Variants in SLC12A6 observed in about 807,000 individuals in gnomAD.
SLC12A6 encodes the protein K-Cl cotransporter 3.
Under a neutral mutation model 135.3 loss-of-function variants are expected in SLC12A6, and 66 were observed. The observed-to-expected ratio is 0.49, with a 90% CI of 0.40 to 0.60. The LOEUF (loss-of-function observed/expected upper bound fraction) is 0.60, where lower values mean the gene tolerates loss of function less well. Among genes scored for constraint, SLC12A6 ranks in the 20% least tolerant of loss-of-function variants. SLC12A6 has a pLI of 0.00. For missense variants in SLC12A6, 1,058 were observed against 1,452.3 expected, an observed-to-expected ratio of 0.73 and a Z score of 4.41; for synonymous variants, 513 against 508.8, an observed-to-expected ratio of 1.01 and a Z score of -0.11.
intron 16 of SLC12A6, among the ~76,000 whole-genome samples, chr15:34,242,785 CT>C (rs1174560257): frequency 2.0e-5 from 3 of 152,074 alleles, no homozygotes; most frequent in African/African-American, 7.2e-5. Flanking sequence ...AATCCCAGCA[CT>C]TTGGGAGGCT....
chr15:34,329,123 A>G (rs905133720), intron 2 of SLC12A6, among the ~76,000 whole-genome samples: 1 of 152,248 alleles, frequency 6.6e-6, no homozygotes, highest in African/African-American at 2.4e-5. Flanking sequence ...ATGTAACTTC[A>G]TTATTCTGAA....
chr15:34,323,934 T>C (rs1009368672), intron 2 of SLC12A6, among the ~76,000 whole-genome samples: 1 of 104,302 alleles, frequency 9.6e-6, no homozygotes, highest in African/African-American at 4.1e-5. Flanking sequence ...GAGTGAGATC[T>C]TGTCTCAAAA....
chr15:34,242,838 G>A (rs1301123689), intron 16 of SLC12A6, among the ~76,000 whole-genome samples: 1 of 152,006 alleles, frequency 6.6e-6, no homozygotes, highest in Non-Finnish European at 1.5e-5. Flanking sequence ...AGACCATCCT[G>A]GCTAACACGG....
At chr15:34,262,903 T>C (rs1030201507) in intron 3 of SLC12A6, among the ~76,000 whole-genome samples, 1 of 152,192 alleles carries the variant, frequency 6.6e-6, no homozygotes, top group Non-Finnish European at 1.5e-5. Flanking sequence ...CCCAGCAGGA[T>C]GAATAGACAG....
At chr15:34,254,203 G>A in intron 9 of SLC12A6, 145 bp downstream of exon 9, 1 of 831,866 alleles carries the variant, frequency 1.2e-6, no homozygotes. Context: ...TTCCTGCCTA[G>A]ATGAGGAAGG....
chr15:34,250,909 G>A lies in SLC12A6; in HGVS notation c.1482C>T (p.Pro494=). ...SFTLLVGIFF[P]SVTGIMAGSN... is the part of the protein sequence containing the mutation. ...AGCCTATGTGTTTACCTGTAACAGAGGGAAAGAAGATTCCCACCAGAAGCG... is the reference window on the plus strand; with the variant it reads ...AGCCTATGTGTTTACCTGTAACAGAAGGAAAGAAGATTCCCACCAGAAGCG... Residue 494 remains proline (P), a synonymous_variant, in exon 11 of 26, where the codon CCC becomes CCT. Transcript: ENST00000354181. 1.2e-6 allele frequency: 2 copies of A among 1,611,898 alleles called. No homozygotes were observed. Among genetic ancestry groups the A allele is most frequent in the South Asian group, 1.1e-5 (1 of 91,020 alleles).
At chr15:34,254,918 A>T (rs1472601544) in intron 8 of SLC12A6, among the ~76,000 whole-genome samples, 1 of 152,242 alleles carries the variant, frequency 6.6e-6, no homozygotes, top group Non-Finnish European at 1.5e-5. Context: ...TCACTACTTT[A>T]AATAGTAAAC....
intron 11 of SLC12A6, 22 bp from the exon 12 acceptor site, chr15:34,250,751 A>T: frequency 6.8e-7 from 1 of 1,465,284 alleles, no homozygotes; most frequent in South Asian, 1.1e-5. Context: ...AGGGGGAAAA[A>T]ACCAAGTTAA....
intron 2 of SLC12A6, among the ~76,000 whole-genome samples, chr15:34,297,528 G>A (rs1895954536): frequency 6.6e-6 from 1 of 152,180 alleles, no homozygotes; most frequent in African/African-American, 2.4e-5. Flanking sequence ...TGCCCAAGGT[G>A]GTGTAGCCAA....
intron 3 of SLC12A6, among the ~76,000 whole-genome samples, chr15:34,272,687 A>T (rs1894046252): frequency 6.6e-6 from 1 of 152,082 alleles, no homozygotes; most frequent in South Asian, 2.1e-4. Context: ...GACTAAGATA[A>T]CTCTTCCTTC....
At chr15:34,285,692 A>C (rs533081205) in intron 2 of SLC12A6, among the ~76,000 whole-genome samples, 1 of 12,906 alleles carries the variant, frequency 7.7e-5, no homozygotes, top group Non-Finnish European at 1.4e-4. Context: ...AATGTGCTAT[A>C]TGTGTGTGTG....
chr15:34,254,776 T>G lies in SLC12A6; in HGVS notation c.877-187A>C, dbSNP rs866172978. Among the ~76,000 whole-genome samples the G allele has an allele frequency of 1.1e-3, 173 of 152,146 alleles. 1 individual carries two copies. The highest frequency in any genetic ancestry group is 8.1e-3 in the South Asian group (39 of 4,814). ...ATGGGATGTCATGGATTTTTTTTTTTTTTTTGGTCTACATGCTGTTCTGAA... is the reference window on the plus strand; with the variant it reads ...ATGGGATGTCATGGATTTTTTTTTTGTTTTTGGTCTACATGCTGTTCTGAA... On this transcript the variant is annotated intron_variant, in intron 8 of 25. Transcript: ENST00000354181.
intron 2 of SLC12A6, among the ~76,000 whole-genome samples, chr15:34,308,352 C>T (rs544721729): frequency 3.3e-5 from 5 of 152,088 alleles, no homozygotes; most frequent in African/African-American, 9.6e-5. Flanking sequence ...GGGTTGGGCA[C>T]GGTGGCTCAT....
chr15:34,269,116 CCAAACTGCTGGGATTA>C (rs1250754768), intron 3 of SLC12A6, among the ~76,000 whole-genome samples: 2 of 152,112 alleles, frequency 1.3e-5, no homozygotes, highest in Non-Finnish European at 2.9e-5. Flanking sequence ...CCTCAGCCTC[CCAAACTGCTGGGATTA>C]CAGGTGTGAG....
intron 2 of SLC12A6, among the ~76,000 whole-genome samples, chr15:34,310,413 A>G (rs1418516110): frequency 3.6e-3 from 204 of 56,344 alleles, no homozygotes; most frequent in African/African-American, 0.015. Context: ...TCCTGGGCTC[A>G]AGTGTGTGTG....
chr15:34,258,791 C>T, intron 5 of SLC12A6, 22 bp downstream of exon 5: 1 of 1,601,210 alleles, frequency 6.2e-7, no homozygotes, highest in South Asian at 1.1e-5. Context: ...TCTATGTATT[C>T]CTTGTTATTC....
chr15:34,279,441 A>G (rs2140907322), intron 2 of SLC12A6, among the ~76,000 whole-genome samples: 1 of 152,302 alleles, frequency 6.6e-6, no homozygotes, highest in South Asian at 2.1e-4. Context: ...TAAAAATTAC[A>G]ATTGTTCAGT....
intron 16 of SLC12A6, among the ~76,000 whole-genome samples, chr15:34,242,979 C>T (rs532179511): frequency 8.0e-4 from 122 of 152,242 alleles, no homozygotes; most frequent in Non-Finnish European, 1.5e-3. Context: ...CTGCAACCTC[C>T]GACTCCCGGG....
intron 2 of SLC12A6, among the ~76,000 whole-genome samples, chr15:34,275,646 A>C: frequency 6.6e-6 from 1 of 152,216 alleles, no homozygotes; most frequent in East Asian, 1.9e-4. Flanking sequence ...CAGGGACTCA[A>C]ACAGATACTT....
Sources: gnomAD v4.1 joint callset for allele counts (sites outside exome capture counted in the v4.1 genomes callset) on GRCh38, gnomAD v4.1.1 for gene constraint, MANE v1.5 for transcripts, NCBI Gene and HGNC (gene_info 2026-07-23, HGNC 2026-07-21) for gene names.